Variants in ABCC1 observed in about 807,000 individuals in gnomAD.
The protein encoded by ABCC1 is multidrug resistance-associated protein 1.
A neutral mutation model predicts 172.9 loss-of-function variants in ABCC1; 83 were observed. The ratio of observed to expected loss-of-function variants is 0.48; its 90% CI spans 0.40 to 0.58. The LOEUF is 0.58. ABCC1 is among the 20% of genes least tolerant of loss of function. The probability of loss-of-function intolerance (pLI) is 0.00; values close to 1 mark genes in which losing one functional copy is unlikely to be tolerated. For synonymous variants in ABCC1, 937 were observed against 825.2 expected (o/e 1.14, Z -2.32); for missense variants, 1,817 against 2,002.7 (o/e 0.91, Z 1.77).
At chr16:16,014,243 T>G (rs1036449924) in intron 3 of ABCC1, among the ~76,000 whole-genome samples, 1 of 152,118 alleles carries the variant, frequency 6.6e-6, no homozygotes, top group South Asian at 2.1e-4. Context: ...GTCAGGAGTT[T>G]GAGACCAGCC....
At chr16:16,057,203 G>GAA (rs926935310) in intron 12 of ABCC1, among the ~76,000 whole-genome samples, 2 of 113,602 alleles carry the variant, frequency 1.8e-5, no homozygotes, top group East Asian at 6.5e-4. Context: ...AAAAAAGAAA[G>GAA]AAAAAAAAAG....
intron 30 of ABCC1, among the ~76,000 whole-genome samples, chr16:16,139,229 G>T (rs950207557): frequency 6.6e-6 from 1 of 152,192 alleles, no homozygotes; most frequent in Non-Finnish European, 1.5e-5. Flanking sequence ...AAGGAGACGG[G>T]ATAGCGAGTG....
intron 17 of ABCC1, 70 bp downstream of exon 17, chr16:16,083,612 T>G (rs2050891336): frequency 6.4e-7 from 1 of 1,558,012 alleles, no homozygotes; most frequent in Non-Finnish European, 8.8e-7. Flanking sequence ...TCTCACAATC[T>G]CAGTGGGCTG....
At chr16:16,016,012 G>A (rs906667483) in intron 4 of ABCC1, among the ~76,000 whole-genome samples, 9 of 152,092 alleles carry the variant, frequency 5.9e-5, no homozygotes, top group South Asian at 2.1e-4. Context: ...ATCAGGCAGC[G>A]GTGAGCAGTG....
chr16:16,043,579 C>A (rs900388821), intron 7 of ABCC1, among the ~76,000 whole-genome samples: 1 of 150,296 alleles, frequency 6.7e-6, no homozygotes, highest in Non-Finnish European at 1.5e-5. Flanking sequence ...GGATTACAGG[C>A]GTGAGCCACT....
intron 5 of ABCC1, among the ~76,000 whole-genome samples, chr16:16,021,855 C>T (rs1201781423): frequency 6.6e-6 from 1 of 152,188 alleles, no homozygotes; most frequent in Non-Finnish European, 1.5e-5. Context: ...GGGCTCGGTG[C>T]TCTTCCTTTG....
intron 14 of ABCC1, among the ~76,000 whole-genome samples, chr16:16,074,500 A>G (rs2050477338): frequency 6.6e-6 from 1 of 152,154 alleles, no homozygotes; most frequent in Admixed American, 6.5e-5. Context: ...AGTTGTTCAC[A>G]GCTCAATGCA....
At chr16:16,058,214 A>G (rs1000115441) in intron 12 of ABCC1, among the ~76,000 whole-genome samples, 1 of 152,170 alleles carries the variant, frequency 6.6e-6, no homozygotes, top group South Asian at 2.1e-4. Context: ...TGGACTTTGG[A>G]AATTCCCTTT....
intron 26 of ABCC1, among the ~76,000 whole-genome samples, chr16:16,131,364 CTCT>C (rs1028341818): frequency 1.3e-5 from 2 of 152,162 alleles, no homozygotes; most frequent in Non-Finnish European, 2.9e-5. Context: ...AGCTGTGTCA[CTCT>C]TCTTGTTTAT....
intron 3 of ABCC1, among the ~76,000 whole-genome samples, chr16:16,012,318 TC>T (rs1392197113): frequency 6.6e-6 from 1 of 152,114 alleles, no homozygotes; most frequent in Non-Finnish European, 1.5e-5. Flanking sequence ...TACGCCTGGC[TC>T]TCCTGCTGGG....
chr16:16,097,953 G>C (rs938259835), intron 19 of ABCC1: 1 of 152,328 alleles, frequency 6.6e-6, no homozygotes, highest in African/African-American at 2.4e-5. Context: ...AGTCTGATGG[G>C]AGAGACAAAC....
chr16:16,016,738 CT>C (rs2048015083), intron 5 of ABCC1, 117 bp downstream of exon 5: 4 of 1,421,638 alleles, frequency 2.8e-6, no homozygotes, highest in Non-Finnish European at 3.8e-6. Flanking sequence ...CCCTCAACCC[CT>C]GATACAGGGA....
At chr16:16,059,782 C>T (rs541371872) in intron 12 of ABCC1, among the ~76,000 whole-genome samples, 45 of 152,018 alleles carry the variant, frequency 3.0e-4, no homozygotes, top group South Asian at 8.3e-4. Flanking sequence ...CCTGGCTGGG[C>T]AACAGAGTGA....
At chr16:16,116,106 A>G (rs989730711) in intron 23 of ABCC1, among the ~76,000 whole-genome samples, 2 of 151,742 alleles carry the variant, frequency 1.3e-5, no homozygotes, top group East Asian at 1.9e-4. Context: ...AGGTTTCACC[A>G]TGTTAGCCAG....
rs2045816666 is a variant in ABCC1, at chr16:15,949,670, GC to G, written c.-79del. ...CAGCAGCCGGGCCCGATCACCCGCC[GC>G]CCGGTGCCCGCCGCCGCCCGCGCCA... is the stretch of plus-strand genomic sequence containing the variant. On this transcript the variant is annotated 5_prime_UTR_variant, in exon 1 of 31. Coordinates refer to ENST00000399410, the MANE Select transcript of ABCC1 (RefSeq NM_004996.4). The G allele has an allele frequency of 3.4e-6, 3 of 875,998 alleles. No homozygotes were observed. Among genetic ancestry groups the G allele is most frequent in the Admixed American group, 1.4e-4 (2 of 14,734 alleles). 54.3% of individuals were successfully genotyped at this position (875,998 alleles called of 1,614,324 possible).
At chr16:16,119,715 A>G (rs1320424194) in intron 23 of ABCC1, among the ~76,000 whole-genome samples, 6 of 152,194 alleles carry the variant, frequency 3.9e-5, no homozygotes, top group Non-Finnish European at 5.9e-5. Flanking sequence ...TCATTCCTGA[A>G]CAAATATTCA....
chr16:16,037,418 T>C (rs941817998), intron 7 of ABCC1, among the ~76,000 whole-genome samples: 5 of 152,326 alleles, frequency 3.3e-5, no homozygotes, highest in South Asian at 4.1e-4. Flanking sequence ...CCCCTGCACA[T>C]ACCTTAACTC....
chr16:15,979,490 TTCTC>T lies in ABCC1; in HGVS notation c.49-28312_49-28309del, dbSNP rs969384546. Among the ~76,000 whole-genome samples the T allele has an allele frequency of 3.9e-4, 57 of 145,414 alleles. 1 individual carries two copies. Among genetic ancestry groups the T allele is most frequent in the East Asian group, 3.4e-3 (17 of 5,002 alleles). ...ATAGCCAAAATGACCCTGGGGCTTATTCTCTCTCTCTCTCTCTTTTTTAATAAAC... is the reference window on the plus strand; with the variant it reads ...ATAGCCAAAATGACCCTGGGGCTTATTCTCTCTCTCTCTTTTTTAATAAAC... On this transcript the variant is annotated intron_variant, in intron 1 of 30. Coordinates refer to ENST00000399410, the MANE Select transcript of ABCC1 (RefSeq NM_004996.4).
At chr16:16,086,383 A>AG (rs370205380) in intron 17 of ABCC1, among the ~76,000 whole-genome samples, 179 of 152,300 alleles carry the variant, frequency 1.2e-3, no homozygotes, top group African/African-American at 4.1e-3. Context: ...AACTTAAAGA[A>AG]GAGGAGGTGG....
Sources: gnomAD v4.1 joint callset for allele counts (sites outside exome capture counted in the v4.1 genomes callset) on GRCh38, gnomAD v4.1.1 for gene constraint, MANE v1.5 for transcripts, NCBI Gene and HGNC (gene_info 2026-07-23, HGNC 2026-07-21) for gene names.